Variants in DMRT1 observed in about 807,000 individuals in gnomAD.
DMRT1 encodes doublesex- and mab-3-related transcription factor 1.
Under a neutral mutation model 32.3 loss-of-function variants are expected in DMRT1, and 7 were observed. The observed-to-expected ratio is 0.22, with a 90% CI of 0.12 to 0.41. The LOEUF is 0.41. Among genes scored for constraint, DMRT1 ranks in the 10% least tolerant of loss-of-function variants. The probability of loss-of-function intolerance (pLI) is 1.00; values close to 1 mark genes in which losing one functional copy is unlikely to be tolerated. For missense variants in DMRT1, 625 were observed against 500.5 expected (o/e 1.25, Z -2.37); for synonymous variants, 278 against 206.1 (o/e 1.35, Z -2.99).
chr9:910,273 G>A (rs191924263), intron 3 of DMRT1, among the ~76,000 whole-genome samples: 9 of 151,254 alleles, frequency 6.0e-5, no homozygotes, highest in Admixed American at 2.0e-4. Context: ...AATGAAAAAG[G>A]CATCATCTGA....
chr9:847,613 C>G (rs892907705), intron 2 of DMRT1, among the ~76,000 whole-genome samples: 45 of 152,304 alleles, frequency 3.0e-4, no homozygotes, highest in Admixed American at 1.2e-3. Context: ...AATTCTCTCC[C>G]CTGGGTGCTA....
chr9:930,828 T>C (rs1051406842), intron 4 of DMRT1, among the ~76,000 whole-genome samples: 4 of 152,196 alleles, frequency 2.6e-5, no homozygotes, highest in Non-Finnish European at 5.9e-5. Flanking sequence ...ACATGAGCCA[T>C]TGTGCCCAGC....
chr9:915,427 GC>G (rs1818140831), intron 3 of DMRT1, among the ~76,000 whole-genome samples: 2 of 152,144 alleles, frequency 1.3e-5, no homozygotes, highest in African/African-American at 4.8e-5. Flanking sequence ...TTATATAAAA[GC>G]TATCTCATGG....
intron 2 of DMRT1, among the ~76,000 whole-genome samples, chr9:850,484 T>A (rs1013045007): frequency 1.3e-5 from 2 of 152,206 alleles, no homozygotes; most frequent in African/African-American, 2.4e-5. Context: ...ATGGTAAACA[T>A]GTATAGTGGA....
chr9:910,057 A>C (rs886793425), intron 3 of DMRT1, among the ~76,000 whole-genome samples: 1 of 152,214 alleles, frequency 6.6e-6, no homozygotes, highest in South Asian at 2.1e-4. Flanking sequence ...GCAATTAGGA[A>C]TGTTATCCTA....
chr9:935,015 A>G (rs1818841461), intron 4 of DMRT1, among the ~76,000 whole-genome samples: 1 of 152,248 alleles, frequency 6.6e-6, no homozygotes, highest in Admixed American at 6.5e-5. Context: ...ATAAAGGCAT[A>G]TAGGGTAACC....
chr9:943,374 T>G (rs1022905519), intron 4 of DMRT1, among the ~76,000 whole-genome samples: 3 of 152,194 alleles, frequency 2.0e-5, no homozygotes, highest in Admixed American at 6.5e-5. Flanking sequence ...TGACTCATAG[T>G]CTCATCTCCA....
At chr9:859,305 G>A (rs971605841) in intron 2 of DMRT1, among the ~76,000 whole-genome samples, 1 of 152,132 alleles carries the variant, frequency 6.6e-6, no homozygotes, top group African/African-American at 2.4e-5. Flanking sequence ...TATAGGGAAC[G>A]GATGCAGGGG....
chr9:939,855 C>T (rs1260023576), intron 4 of DMRT1, among the ~76,000 whole-genome samples: 2 of 152,116 alleles, frequency 1.3e-5, no homozygotes, highest in Admixed American at 6.6e-5. Flanking sequence ...TAAGGGTGGA[C>T]ATTATACTGG....
chr9:885,543 G>C (rs1331639219), intron 2 of DMRT1, among the ~76,000 whole-genome samples: 1 of 152,216 alleles, frequency 6.6e-6, no homozygotes, highest in Non-Finnish European at 1.5e-5. Flanking sequence ...ACCTGCCAGT[G>C]CCTATCAGTC....
intron 4 of DMRT1, among the ~76,000 whole-genome samples, chr9:943,271 G>A (rs1819135981): frequency 6.6e-6 from 1 of 152,126 alleles, no homozygotes; most frequent in Admixed American, 6.6e-5. Flanking sequence ...CCTTCCCATC[G>A]GCCCTTATCT....
chr9:848,407 G>T lies in DMRT1; in HGVS notation c.538+1264G>T, dbSNP rs548377529. ...GTTAAGCACCAAAGAAAGCAGGAAG[G>T]TGTGTCTGTCTGTGTCTGTCTTTGT... On this transcript the variant is annotated intron_variant, in intron 2 of 4. Coordinates refer to ENST00000382276, the MANE Select transcript of DMRT1 (RefSeq NM_021951.3). Among the ~76,000 whole-genome samples the T allele has an allele frequency of 5.3e-5, 8 of 152,218 alleles. No homozygotes were observed. The East Asian group carries it at 1.2e-3, about 22-fold the overall frequency.
Position 944,728 on chromosome 9 carries a change from G to T in DMRT1, c.968-23257G>T, listed in dbSNP as rs573999957. On this transcript the variant is annotated intron_variant, in intron 4 of 4. Coordinates refer to ENST00000382276, the MANE Select transcript of DMRT1 (RefSeq NM_021951.3). ...CTTGCTTTTTGAAGTGCTTTAAGTT[G>T]TGTTTGATTCCAAATACTATATTTG... 1.8e-3 allele frequency among the ~76,000 whole-genome samples: 276 copies of T among 152,236 alleles called. 2 individuals carry two copies. The highest frequency in any genetic ancestry group is 6.5e-3 in the African/African-American group (271 of 41,542).
chr9:948,557 C>A (rs982850155), intron 4 of DMRT1, among the ~76,000 whole-genome samples: 4 of 152,046 alleles, frequency 2.6e-5, no homozygotes, highest in Non-Finnish European at 4.4e-5. Flanking sequence ...CCGGGACAGA[C>A]CATCCTTCCC....
chr9:956,400 A>G (rs1005899444), intron 4 of DMRT1, among the ~76,000 whole-genome samples: 9 of 152,096 alleles, frequency 5.9e-5, no homozygotes, highest in Non-Finnish European at 1.0e-4. Context: ...TGAACGCTAC[A>G]CTTGAAAATG....
At chr9:928,443 A>G (rs1818598875) in intron 4 of DMRT1, among the ~76,000 whole-genome samples, 1 of 152,178 alleles carries the variant, frequency 6.6e-6, no homozygotes, top group Non-Finnish European at 1.5e-5. Flanking sequence ...GCAGAGGTCA[A>G]CATAGCCTTC....
chr9:930,260 A>C (rs183757110), intron 4 of DMRT1, among the ~76,000 whole-genome samples: 60 of 152,172 alleles, frequency 3.9e-4, no homozygotes, highest in Non-Finnish European at 2.8e-4. Context: ...CCCAGGCTAG[A>C]GTGCAGTGGC....
chr9:876,286 G>C (rs1816496177), intron 2 of DMRT1, among the ~76,000 whole-genome samples: 1 of 152,146 alleles, frequency 6.6e-6, no homozygotes, highest in Non-Finnish European at 1.5e-5. Flanking sequence ...TAAGGTAGAA[G>C]AGCCACAAGT....
chr9:941,664 A>G (rs1040101155), intron 4 of DMRT1, among the ~76,000 whole-genome samples: 1 of 152,240 alleles, frequency 6.6e-6, no homozygotes, highest in Non-Finnish European at 1.5e-5. Flanking sequence ...ATTGAACTGT[A>G]CACTTAAAAA....
Sources: allele counts gnomAD v4.1 joint callset (sites outside exome capture counted in the v4.1 genomes callset), GRCh38; gene constraint gnomAD v4.1.1; transcripts MANE v1.5; gene names NCBI Gene and HGNC (gene_info 2026-07-23, HGNC 2026-07-21).